The following ECT2 variants were observed in gnomAD, a reference collection of about 807,000 sequenced individuals.
ECT2 encodes the protein epithelial cell transforming 2, also known as protein ECT2.
ECT2 carries 61 observed loss-of-function variants against 116.9 expected under a neutral mutation model. The ratio of observed to expected loss-of-function variants is 0.52; its 90% CI spans 0.42 to 0.65. The LOEUF (loss-of-function observed/expected upper bound fraction) is 0.65. ECT2 is among the 30% of genes least tolerant of loss of function. The pLI, the probability that ECT2 is intolerant of heterozygous loss-of-function variation, is 0.00. For synonymous variants in ECT2, 358 were observed against 346.4 expected, an observed-to-expected ratio of 1.03 and a Z score of -0.37; for missense variants, 937 against 1,078.7, an observed-to-expected ratio of 0.87 and a Z score of 1.84.
At chr3:172,828,780 C>T in the ECT2 span, 4 of 655,534 alleles carry the variant, frequency 6.1e-6, no homozygotes, top group Non-Finnish European at 1.1e-5. Flanking sequence ...GAAGAACCCC[C>T]CATGGCCTCA....
At chr3:172,784,866 A>T in intron 17 of ECT2, 63 bp downstream of exon 17, 2 of 1,041,110 alleles carry the variant, frequency 1.9e-6, no homozygotes, top group Non-Finnish European at 2.8e-6. Flanking sequence ...TTTCCAAAAA[A>T]GATGAATTTC....
At chr3:172,805,683 C>A in intron 20 of ECT2, 48 bp from the exon 21 acceptor site, 1 of 1,574,880 alleles carries the variant, frequency 6.3e-7, no homozygotes, top group Non-Finnish European at 8.7e-7. Context: ...GTATTTGGTC[C>A]TTTTTCTTCA....
chr3:172,818,430 A>T, intron 24 of ECT2: 1 of 554,526 alleles, frequency 1.8e-6, no homozygotes, highest in Non-Finnish European at 2.3e-6. Context: ...AGAAAATTTT[A>T]GAAAATTAAT....
At chr3:172,788,916 G>C (rs1322703331) in intron 18 of ECT2, among the ~76,000 whole-genome samples, 1 of 152,006 alleles carries the variant, frequency 6.6e-6, no homozygotes, top group African/African-American at 2.4e-5. Flanking sequence ...AAATTAGCTG[G>C]GCATGGTTGT....
At chr3:172,790,925 TGGGCA>T (rs1452026390) in intron 18 of ECT2, among the ~76,000 whole-genome samples, 1 of 152,112 alleles carries the variant, frequency 6.6e-6, no homozygotes, top group African/African-American at 2.4e-5. Flanking sequence ...GAGGCCAAGG[TGGGCA>T]GATCACTTGA....
At chr3:172,771,502 T>A (rs1720628827) in intron 13 of ECT2, 2 of 152,238 alleles carry the variant, frequency 1.3e-5, no homozygotes, top group Non-Finnish European at 2.9e-5. Context: ...GTGATCATTC[T>A]GTATTATCAA....
intron 16 of ECT2, among the ~76,000 whole-genome samples, chr3:172,784,172 C>T (rs571311165): frequency 6.8e-4 from 103 of 151,422 alleles, no homozygotes; most frequent in Middle Eastern, 6.8e-3. Flanking sequence ...CCGGGTGCAC[C>T]GGCCAATGTC....
At chr3:172,826,306 A>G (rs552349076), downstream of ECT2, among the ~76,000 whole-genome samples, 9 of 152,320 alleles carry the variant, frequency 5.9e-5, no homozygotes, top group African/African-American at 2.2e-4. Context: ...AGCTATGTTT[A>G]TTGACCATTC....
rs1225127276 is a variant in ECT2 at position 172,820,907 on chromosome 3, A to G, written c.*670A>G. 1.3e-5 allele frequency: 2 copies of G among 151,938 alleles called. No individual in the cohort carries two copies. Among genetic ancestry groups the G allele is most frequent in the Non-Finnish European group, 2.9e-5 (2 of 67,832 alleles). The allele number at this position is 151,938 out of a possible 1,614,324, so 9.4% of individuals were successfully genotyped here. A position where few individuals can be genotyped will look rare whatever the true frequency, so the allele number is the denominator to read the frequency against. On this transcript the variant is annotated 3_prime_UTR_variant, in exon 25 of 25. Coordinates refer to ENST00000392692, the MANE Select transcript of ECT2 (RefSeq NM_001258315.2). Reference sequence around the variant, plus strand: ...ACAGAAAGATTGAGAAACATTGTATATTTTGCAAAAACAAGATGTTTGTAG... The same window carrying G: ...ACAGAAAGATTGAGAAACATTGTATGTTTTGCAAAAACAAGATGTTTGTAG...
At chr3:172,785,620 G>A (rs1458289636) in intron 17 of ECT2, among the ~76,000 whole-genome samples, 1 of 151,948 alleles carries the variant, frequency 6.6e-6, no homozygotes, top group Non-Finnish European at 1.5e-5. Flanking sequence ...CAGCAGACAA[G>A]GAGGCAAATT....
intron 13 of ECT2, among the ~76,000 whole-genome samples, chr3:172,773,453 T>C (rs1187608925): frequency 1.3e-5 from 2 of 152,132 alleles, no homozygotes; most frequent in Non-Finnish European, 2.9e-5. Context: ...GAAACATAGA[T>C]ACAAACAGAT....
chr3:172,782,729 C>T (rs1687822138), intron 15 of ECT2, among the ~76,000 whole-genome samples: 2 of 152,062 alleles, frequency 1.3e-5, no homozygotes, highest in South Asian at 4.1e-4. Context: ...TGTGTTGTTC[C>T]CCTCTATGTG....
intron 18 of ECT2, among the ~76,000 whole-genome samples, chr3:172,795,310 A>G (rs1281585816): frequency 7.1e-6 from 1 of 141,584 alleles, no homozygotes; most frequent in Non-Finnish European, 1.5e-5. Context: ...TGGGTGACAG[A>G]GTGAGACGCT....
At chr3:172,805,095 G>A (rs1012344750) in intron 20 of ECT2, among the ~76,000 whole-genome samples, 4 of 151,882 alleles carry the variant, frequency 2.6e-5, no homozygotes, top group African/African-American at 9.7e-5. Flanking sequence ...TGGAAATTAT[G>A]GTACATTCTT....
intron 6 of ECT2, among the ~76,000 whole-genome samples, chr3:172,759,724 G>A (rs1034576491): frequency 3.3e-5 from 5 of 152,240 alleles, no homozygotes; most frequent in Middle Eastern, 3.4e-3. Context: ...GATTACATGC[G>A]TGAGCCACCG....
In ECT2 at chr3:172,814,741, G is replaced by A. The variant is rs1729394633; in HGVS notation, c.2401-863G>A. 5.3e-5 allele frequency among the ~76,000 whole-genome samples: 8 copies of A among 152,238 alleles called. No individual in the cohort carries two copies. In the South Asian group the frequency reaches 1.7e-3, roughly 32 times the overall value. On this transcript the variant is annotated intron_variant, in intron 22 of 24. Transcript: ENST00000392692. ...GTTTTGATACATGTATACATTGTGT[G>A]TTGATCAAATCAGGGTATTTAGCAT...
intron 14 of ECT2, among the ~76,000 whole-genome samples, chr3:172,775,278 G>A (rs769987880): frequency 6.6e-6 from 1 of 151,906 alleles, no homozygotes; most frequent in African/African-American, 2.4e-5. Flanking sequence ...AGAACCAATC[G>A]GAATTACAGG....
In ECT2 at chr3:172,761,626, G is replaced by T; in HGVS notation, c.701G>T (p.Gly234Val). Residue 234 changes from glycine (G) to valine (V), a missense_variant, in exon 8 of 25, where the codon GGT becomes GTT. Coordinates refer to ENST00000392692, the MANE Select transcript of ECT2 (RefSeq NM_001258315.2). The part of the protein sequence containing the change: ...GEKFRVAVSL[G>V]TPIMKPEWIY... Reference sequence around the variant, plus strand: ...TATTTTTAGGTTGCTGTGAGTCTAGGTACTCCAATTATGAAGCCAGAATGG... The same window carrying T: ...TATTTTTAGGTTGCTGTGAGTCTAGTTACTCCAATTATGAAGCCAGAATGG... 2 of 1,610,536 alleles carry T rather than the reference G, an allele frequency of 1.2e-6. No homozygotes were observed.
chr3:172,820,777 G>A lies in ECT2; in HGVS notation c.*540G>A, dbSNP rs572642872. 6.6e-6 allele frequency: 1 copy of A among 151,992 alleles called. No homozygotes were observed. The highest frequency in any genetic ancestry group is 6.6e-5 in the Admixed American group (1 of 15,250). 9.4% of individuals were successfully genotyped at this position (151,992 alleles called of 1,614,324 possible). On this transcript the variant is annotated 3_prime_UTR_variant, in exon 25 of 25. Coordinates refer to ENST00000392692, the MANE Select transcript of ECT2 (RefSeq NM_001258315.2). ...CTTTCACAGTTTATTTTCTTCTCAA[G>A]CGTTTTCAAGATCTAGCATGTGGAT...
Sources: allele counts gnomAD v4.1 joint callset (sites outside exome capture counted in the v4.1 genomes callset), GRCh38; gene constraint gnomAD v4.1.1; transcripts MANE v1.5; gene names NCBI Gene and HGNC (gene_info 2026-07-23, HGNC 2026-07-21).